The following ATP6V1B2 variants were observed in gnomAD, a reference collection of about 807,000 sequenced individuals.
ATP6V1B2 encodes the protein ATPase H+ transporting V1 subunit B2.
A neutral mutation model predicts 66.7 loss-of-function variants in ATP6V1B2; 23 were observed. That is an observed-to-expected ratio of 0.34 (90% CI 0.25 to 0.49). The LOEUF (loss-of-function observed/expected upper bound fraction) is 0.49. ATP6V1B2 is among the 20% of genes least tolerant of loss of function. The probability of loss-of-function intolerance (pLI) is 0.99; values close to 1 mark genes in which losing one functional copy is unlikely to be tolerated. For missense variants in ATP6V1B2, 478 were observed against 650.8 expected (o/e 0.73, Z 2.89); for synonymous variants, 278 against 236.7 (o/e 1.17, Z -1.60).
At chr8:20,201,728 G>A (rs1017555767) in intron 1 of ATP6V1B2, among the ~76,000 whole-genome samples, 1 of 152,146 alleles carries the variant, frequency 6.6e-6, no homozygotes, top group Non-Finnish European at 1.5e-5. Flanking sequence ...CTTGCCTACT[G>A]TCTTAGCCAT....
intron 1 of ATP6V1B2, 28 bp downstream of exon 1, chr8:20,197,570 G>T (rs780224526): frequency 1.5e-6 from 2 of 1,349,770 alleles, no homozygotes; most frequent in Non-Finnish European, 1.9e-6. Context: ...ATACGTCTCC[G>T]GTCTTTGCTC....
intron 1 of ATP6V1B2, among the ~76,000 whole-genome samples, chr8:20,198,514 A>C (rs552535622): frequency 6.6e-6 from 1 of 152,218 alleles, no homozygotes; most frequent in African/African-American, 2.4e-5. Flanking sequence ...GTAGCATCCA[A>C]CTTCTTCACA....
chr8:20,197,960 A>G (rs1394628718), intron 1 of ATP6V1B2, among the ~76,000 whole-genome samples: 1 of 152,096 alleles, frequency 6.6e-6, no homozygotes, highest in Non-Finnish European at 1.5e-5. Context: ...GAGGACCTCA[A>G]TGGGGTCTTC....
Position 20,212,152 on chromosome 8 carries a change from C to T in ATP6V1B2, c.756C>T (p.Gly252=). The T allele has an allele frequency of 2.5e-6, 4 of 1,613,660 alleles. No individual in the cohort carries two copies. The highest frequency in any genetic ancestry group is 3.4e-6 in the Non-Finnish European group (4 of 1,179,780). ...RFFKSDFEEN[G]SMDNVCLFLN... ...TCAAATCTGACTTTGAAGAAAATGG[C>T]TCAATGGACAATGTCTGCCTCTTTT... The change falls in exon 8 of 14, where the codon GGC becomes GGT. Residue 252 remains glycine (G), a synonymous_variant. Transcript: ENST00000276390.
At chr8:20,200,379 C>T (rs2072674013) in intron 1 of ATP6V1B2, among the ~76,000 whole-genome samples, 1 of 152,126 alleles carries the variant, frequency 6.6e-6, no homozygotes, top group South Asian at 2.1e-4. Context: ...CTGCCTAGCA[C>T]AGTGCCTGAC....
At chr8:20,215,127 C>G in intron 10 of ATP6V1B2, 159 bp downstream of exon 10, 2 of 847,706 alleles carry the variant, frequency 2.4e-6, no homozygotes, top group Non-Finnish European at 3.4e-6. Context: ...AAATTACCCA[C>G]AGTTATTATC....
chr8:20,217,190 T>C (rs1046225717), intron 11 of ATP6V1B2, 30 bp from the exon 12 acceptor site: 11 of 1,539,764 alleles, frequency 7.1e-6, no homozygotes, highest in Middle Eastern at 1.7e-4. Flanking sequence ...TACTTAAATA[T>C]AGTATTTTTT....
rs1461285141 is a variant in ATP6V1B2, at chr8:20,210,396, T to C, written c.342T>C (p.Phe114=). Residue 114 remains phenylalanine, a synonymous_variant, in exon 4 of 14, where the codon TTT becomes TTC. Coordinates refer to ENST00000276390, the MANE Select transcript of ATP6V1B2 (RefSeq NM_001693.4). ...GIDAKKTSCE[F]TGDILRTPVS... Reference sequence around the variant, plus strand: ...ATGCTAAGAAAACGTCCTGTGAGTTTACTGGGGATATTCTCCGAACACCGG... The same window carrying C: ...ATGCTAAGAAAACGTCCTGTGAGTTCACTGGGGATATTCTCCGAACACCGG... 6.2e-7 allele frequency: 1 copy of C among 1,613,584 alleles called. No individual in the cohort carries two copies. The highest frequency in any genetic ancestry group is 1.3e-5 in the African/African-American group (1 of 74,924).
chr8:20,212,057 A>G lies in ATP6V1B2; in HGVS notation c.706-45A>G, dbSNP rs368933775. 1.3e-5 allele frequency: 20 copies of G among 1,527,166 alleles called. No individual in the cohort carries two copies. In the African/African-American group the frequency reaches 2.5e-4, roughly 19 times the overall value. 94.6% of individuals were successfully genotyped at this position (1,527,166 alleles called of 1,614,324 possible). On this transcript the variant is annotated intron_variant, in intron 7 of 13. Coordinates refer to ENST00000276390, the MANE Select transcript of ATP6V1B2 (RefSeq NM_001693.4). Reference sequence around the variant, plus strand: ...TTGGCTTTCATCAGAAATAAATGTTAAGGATTTTTCTTCTCCCAGCACTGA... The same window carrying G: ...TTGGCTTTCATCAGAAATAAATGTTGAGGATTTTTCTTCTCCCAGCACTGA...
intron 2 of ATP6V1B2, among the ~76,000 whole-genome samples, chr8:20,208,616 A>G (rs995124339): frequency 1.3e-5 from 2 of 152,044 alleles, no homozygotes; most frequent in Admixed American, 6.5e-5. Flanking sequence ...GTAAAAATGG[A>G]TTAGAGGAAT....
At chr8:20,198,652 G>C (rs1031529524) in intron 1 of ATP6V1B2, among the ~76,000 whole-genome samples, 5 of 152,172 alleles carry the variant, frequency 3.3e-5, no homozygotes, top group Admixed American at 2.0e-4. Context: ...CTGTCTCTAG[G>C]TGGCCGACTG....
intron 2 of ATP6V1B2, among the ~76,000 whole-genome samples, chr8:20,209,099 A>G (rs776455288): frequency 6.6e-6 from 1 of 152,164 alleles, no homozygotes; most frequent in South Asian, 2.1e-4. Context: ...CATCATTTCT[A>G]GGTGGTGAGA....
intron 10 of ATP6V1B2, 27 bp from the exon 11 acceptor site, chr8:20,216,386 T>G: frequency 6.3e-7 from 1 of 1,592,688 alleles, no homozygotes; most frequent in Non-Finnish European, 8.6e-7. Flanking sequence ...GATGCCATGC[T>G]TAATGCCAAC....
At chr8:20,216,864 T>A (rs1224226645) in intron 11 of ATP6V1B2, 1 of 253,524 alleles carries the variant, frequency 3.9e-6, no homozygotes, top group Non-Finnish European at 7.6e-6. Flanking sequence ...GGAATTATTG[T>A]TAATTTTTTT....
Position 20,211,766 on chromosome 8 carries a change from T to A in ATP6V1B2, c.705+13T>A, listed in dbSNP as rs758248437. On this transcript the variant is annotated intron_variant, in intron 7 of 13. Coordinates refer to ENST00000276390, the MANE Select transcript of ATP6V1B2 (RefSeq NM_001693.4). The stretch of plus-strand genomic sequence containing the variant: ...TGCTGCTATGGGTGTAAGTAGAATT[T>A]TTGTTTTAGTATGATATGTAAAATT... 3.8e-6 allele frequency: 6 copies of A among 1,588,720 alleles called. No homozygotes were observed. Among genetic ancestry groups the A allele is most frequent in the African/African-American group, 1.4e-5 (1 of 73,860 alleles).
intron 12 of ATP6V1B2, among the ~76,000 whole-genome samples, chr8:20,217,893 T>C (rs2072871127): frequency 6.6e-6 from 1 of 152,210 alleles, no homozygotes; most frequent in Non-Finnish European, 1.5e-5. Context: ...GCTCTATAAA[T>C]TTTGAGCTCA....
At chr8:20,199,183 C>T (rs1390315898) in intron 1 of ATP6V1B2, among the ~76,000 whole-genome samples, 3 of 152,182 alleles carry the variant, frequency 2.0e-5, no homozygotes, top group Non-Finnish European at 4.4e-5. Flanking sequence ...ATGGTTTGTA[C>T]GTACTTACCC....
At chr8:20,208,330 A>G (rs931506022) in intron 2 of ATP6V1B2, among the ~76,000 whole-genome samples, 18 of 152,222 alleles carry the variant, frequency 1.2e-4, no homozygotes, top group Non-Finnish European at 8.8e-5. Flanking sequence ...TGATTTAACT[A>G]TATCTGCTCT....
intron 1 of ATP6V1B2, among the ~76,000 whole-genome samples, chr8:20,201,908 T>C (rs566116644): frequency 6.6e-6 from 1 of 152,142 alleles, no homozygotes; most frequent in Non-Finnish European, 1.5e-5. Flanking sequence ...GGGCATCACA[T>C]GGTGAGGGGG....
Sources: allele counts gnomAD v4.1 joint callset (sites outside exome capture counted in the v4.1 genomes callset), GRCh38; gene constraint gnomAD v4.1.1; transcripts MANE v1.5; gene names NCBI Gene and HGNC (gene_info 2026-07-23, HGNC 2026-07-21).